ABCG4: variants seen among roughly 807,000 people sequenced by gnomAD.
The protein encoded by ABCG4 is ATP-binding cassette sub-family G member 4.
In ABCG4, 35 loss-of-function variants were observed where a neutral mutation model predicts 64.6. That is an observed-to-expected ratio of 0.54 (90% CI 0.41 to 0.72). The LOEUF is 0.72. Among genes scored for constraint, ABCG4 ranks in the 30% least tolerant of loss-of-function variants. ABCG4 has a pLI of 0.00. For synonymous variants in ABCG4, 326 were observed against 348.2 expected (o/e 0.94, Z 0.71); for missense variants, 610 against 846.3 (o/e 0.72, Z 3.46).
At chr11:119,151,401 C>T (rs1948192093) in intron 2 of ABCG4, among the ~76,000 whole-genome samples, 1 of 152,104 alleles carries the variant, frequency 6.6e-6, no homozygotes, top group Non-Finnish European at 1.5e-5. Flanking sequence ...TTTCTTTCAT[C>T]CGTTGTCCCT....
chr11:119,161,193 G>A lies in ABCG4; in HGVS notation c.*87G>A. ...GGACTGTTTTAACCTTATAGACTTG[G>A]GCACTGGTTCCTGGCGGGGCTATCC... On this transcript the variant is annotated 3_prime_UTR_variant, in exon 15 of 15. Transcript: ENST00000619701. 3.9e-6 allele frequency: 5 copies of A among 1,286,262 alleles called. No individual in the cohort carries two copies. Among genetic ancestry groups the A allele is most frequent in the Non-Finnish European group, 5.3e-6 (5 of 939,866 alleles). 79.7% of individuals were successfully genotyped at this position (1,286,262 alleles called of 1,614,324 possible).
chr11:119,160,460 G>A lies in ABCG4; in HGVS notation c.1596+75G>A, dbSNP rs532536697. The A allele has an allele frequency of 5.0e-5, 80 of 1,608,952 alleles. No individual in the cohort carries two copies. The African/African-American group carries it at 9.9e-4, about 20-fold the overall frequency. The stretch of plus-strand genomic sequence containing the variant: ...GGAGGAAGCAGGGCCTGGTGCAAGG[G>A]TTAGGGTGGAGCTCTAGGAAACCTG... On this transcript the variant is annotated intron_variant, in intron 13 of 14. Coordinates refer to ENST00000619701, the MANE Select transcript of ABCG4 (RefSeq NM_022169.5). This position sits in a 1 kb window ranked among gnomAD's most constrained non-coding sequence, Gnocchi z 4.6.
rs77563022 is a variant in ABCG4 at position 119,150,387 on chromosome 11, C to A, written c.238+184C>A. Among the ~76,000 whole-genome samples the A allele has an allele frequency of 1.8e-4, 27 of 152,318 alleles. No individual in the cohort carries two copies. In the East Asian group the frequency reaches 4.4e-3, roughly 25 times the overall value. ...TGGGGTGTCAGGATCTACGCTCCCC[C>A]ACACCTGTGAGCACCATGGGATACT... On this transcript the variant is annotated intron_variant, in intron 2 of 14. Transcript: ENST00000619701. The surrounding 1 kb of genome is among the most constrained non-coding windows in gnomAD (Gnocchi z 4.3).
chr11:119,158,662 G>T lies in ABCG4; in HGVS notation c.1273G>T (p.Gly425Cys), dbSNP rs368538395. ...TGCCAGCAAGGTCTTCAACAACACC[G>T]GCTGCCTCTTCTTCTCCATGCTGTT... The part of the protein sequence containing the change: ...DDASKVFNNT[G>C]CLFFSMLFLM... The change falls in exon 11 of 15, where the codon GGC (glycine) becomes TGC (cysteine). Residue 425 changes from glycine (G) to cysteine (C), a missense_variant. By Grantham distance (159) the Gly-to-Cys change is radical. Transcript: ENST00000619701. This position sits in a 1 kb window ranked among gnomAD's most constrained non-coding sequence, Gnocchi z 4.5. 8 of 1,613,974 alleles carry T rather than the reference G, an allele frequency of 5.0e-6. No individual in the cohort carries two copies. The African/African-American group carries it at 1.1e-4, about 22-fold the overall frequency.
At position 119,158,228 on chromosome 11, in the gene ABCG4, T is replaced by C. The variant is rs564152389; in HGVS notation, c.1069-6T>C. 2.5e-6 allele frequency: 4 copies of C among 1,576,134 alleles called. No homozygotes were observed. In the East Asian group the frequency reaches 9.0e-5, roughly 36 times the overall value. On this transcript the variant is annotated splice_region_variant and splice_polypyrimidine_tract_variant and intron_variant, in intron 9 of 14. Coordinates refer to ENST00000619701, the MANE Select transcript of ABCG4 (RefSeq NM_022169.5). This position sits in a 1 kb window ranked among gnomAD's most constrained non-coding sequence, Gnocchi z 4.5. ...ACCTGATCCCGATCCAATTTCTTCT[T>C]CCCAGGAAGTGGATCCCATTGAAAG...
At position 119,161,769 on chromosome 11, in the gene ABCG4, C is replaced by G. The variant is rs1378739033; in HGVS notation, c.*663C>G. ...TGGGGCTGTGGGATGCCCCATCCCC[C>G]TCCCCATCACCTTTGGTGGGGGCAG... On this transcript the variant is annotated 3_prime_UTR_variant, in exon 15 of 15. Coordinates refer to ENST00000619701, the MANE Select transcript of ABCG4 (RefSeq NM_022169.5). 6.5e-6 allele frequency: 1 copy of G among 152,828 alleles called. No individual in the cohort carries two copies. The highest frequency in any genetic ancestry group is 1.5e-5 in the Non-Finnish European group (1 of 68,174). The allele number at this position is 152,828 out of a possible 1,614,324, so 9.5% of individuals were successfully genotyped here.
rs577430608 is a variant in ABCG4 at position 119,158,123 on chromosome 11, G to T, written c.1069-111G>T. 191 of 817,790 alleles carry T rather than the reference G, an allele frequency of 2.3e-4. No homozygotes were observed. In the African/African-American group the frequency reaches 2.7e-3, roughly 11 times the overall value. 50.7% of individuals were successfully genotyped at this position (817,790 alleles called of 1,614,324 possible). A position where few individuals can be genotyped will look rare whatever the true frequency, so the allele number is the denominator to read the frequency against. ...TGGTACAAGATTCTCTGTAGACCTG[G>T]AGGACCCCTACCCTGGGGAAGAGCT... On this transcript the variant is annotated intron_variant, in intron 9 of 14. Coordinates refer to ENST00000619701, the MANE Select transcript of ABCG4 (RefSeq NM_022169.5). The surrounding 1 kb of genome is among the most constrained non-coding windows in gnomAD (Gnocchi z 4.5).
chr11:119,158,979 T>C lies in ABCG4; in HGVS notation c.1437+50T>C. ...CACTGCCTCCATCTTGTCTTGCTCC[T>C]TCTATCCTTGCTTTCTTGCCTCCCT... is the stretch of plus-strand genomic sequence containing the variant. On this transcript the variant is annotated intron_variant, in intron 12 of 14. Coordinates refer to ENST00000619701, the MANE Select transcript of ABCG4 (RefSeq NM_022169.5). The surrounding 1 kb of genome is among the most constrained non-coding windows in gnomAD (Gnocchi z 4.5). 1 of 1,567,324 alleles carries C rather than the reference T, an allele frequency of 6.4e-7. No homozygotes were observed. Among genetic ancestry groups the C allele is most frequent in the South Asian group, 1.1e-5 (1 of 90,082 alleles).
At position 119,158,496 on chromosome 11, in the gene ABCG4, C is replaced by G. The variant is rs759380045; in HGVS notation, c.1168-61C>G. On this transcript the variant is annotated intron_variant, in intron 10 of 14. Transcript: ENST00000619701. This position sits in a 1 kb window ranked among gnomAD's most constrained non-coding sequence, Gnocchi z 4.5. Reference sequence around the variant, plus strand: ...GCAGCTCCGAGTTCCTACTCCAAGTCTACTCTGTGGCTTGCCCTGGCCTGT... The same window carrying G: ...GCAGCTCCGAGTTCCTACTCCAAGTGTACTCTGTGGCTTGCCCTGGCCTGT... The G allele has an allele frequency of 6.2e-7, 1 of 1,606,440 alleles. No individual in the cohort carries two copies. The highest frequency in any genetic ancestry group is 1.1e-5 in the South Asian group (1 of 90,902).
chr11:119,157,191 T>C (rs1329631380), intron 9 of ABCG4, among the ~76,000 whole-genome samples, 177 bp downstream of exon 9: 1 of 152,238 alleles, frequency 6.6e-6, no homozygotes, highest in African/African-American at 2.4e-5. Flanking sequence ...AGGCACATTA[T>C]TTAACCTCCT....
In ABCG4 at chr11:119,149,822, G is replaced by A. The variant is rs1439346330; in HGVS notation, c.-12-132G>A. 1 of 1,357,466 alleles carries A rather than the reference G, an allele frequency of 7.4e-7. No homozygotes were observed. The highest frequency in any genetic ancestry group is 1.5e-5 in the African/African-American group (1 of 68,358). The allele number at this position is 1,357,466 out of a possible 1,614,324, so 84.1% of individuals were successfully genotyped here. A position where few individuals can be genotyped will look rare whatever the true frequency, so the allele number is the denominator to read the frequency against. On this transcript the variant is annotated intron_variant, in intron 1 of 14. Transcript: ENST00000619701. The surrounding 1 kb of genome is among the most constrained non-coding windows in gnomAD (Gnocchi z 8.3). ...GGAGAGTGGGGGGCGGGGGCAGAGT[G>A]CGGGGCTAACAGTCGCGGATCTGCC...
At chr11:119,151,497 G>C (rs936088782) in intron 2 of ABCG4, among the ~76,000 whole-genome samples, 4 of 152,106 alleles carry the variant, frequency 2.6e-5, no homozygotes, top group Non-Finnish European at 4.4e-5. Flanking sequence ...AGCAATTAAG[G>C]GTAGGCAGAA....
rs1270433546 is a variant in ABCG4, at chr11:119,150,933, C to G, written c.238+730C>G. On this transcript the variant is annotated intron_variant, in intron 2 of 14. Transcript: ENST00000619701. This position sits in a 1 kb window ranked among gnomAD's most constrained non-coding sequence, Gnocchi z 4.3. ...GCAGCTTTAGCTGCTAGTAGGGAAGCTGAGGCTGTTTCCCAGAGCCTGGGT... is the reference window on the plus strand; with the variant it reads ...GCAGCTTTAGCTGCTAGTAGGGAAGGTGAGGCTGTTTCCCAGAGCCTGGGT... Among the ~76,000 whole-genome samples, 2 of 152,250 alleles carry G rather than the reference C, an allele frequency of 1.3e-5. No individual in the cohort carries two copies. Among genetic ancestry groups the G allele is most frequent in the African/African-American group, 2.4e-5 (1 of 41,466 alleles).
rs1948179004 is a variant in ABCG4, at chr11:119,150,324, A to G, written c.238+121A>G. The G allele has an allele frequency of 7.2e-7, 1 of 1,387,514 alleles. No individual in the cohort carries two copies. The highest frequency in any genetic ancestry group is 1.4e-5 in the African/African-American group (1 of 69,668). 86.0% of individuals were successfully genotyped at this position (1,387,514 alleles called of 1,614,324 possible). A position where few individuals can be genotyped will look rare whatever the true frequency, so the allele number is the denominator to read the frequency against. On this transcript the variant is annotated intron_variant, in intron 2 of 14. Transcript: ENST00000619701. The surrounding 1 kb of genome is among the most constrained non-coding windows in gnomAD (Gnocchi z 4.3). ...CACCAGTGGGCTCTGTGGAAACACT[A>G]AAATCTGGGCCCCAGCCCGTTGCTC...
At position 119,161,286 on chromosome 11, in the gene ABCG4, G is replaced by A. The variant is rs922402716; in HGVS notation, c.*180G>A. 4 of 602,168 alleles carry A rather than the reference G, an allele frequency of 6.6e-6. No individual in the cohort carries two copies. In the Admixed American group the frequency reaches 1.2e-4, roughly 18 times the overall value. The allele number at this position is 602,168 out of a possible 1,614,324, so 37.3% of individuals were successfully genotyped here. ...CTCCCAGCCTGGGCTCTGGGAGTGG[G>A]GGCTCCAGCCCTCCCCACTATGCCC... On this transcript the variant is annotated 3_prime_UTR_variant, in exon 15 of 15. Transcript: ENST00000619701.
rs1260253019 is a variant in ABCG4, at chr11:119,154,957, C to T, written c.686+42C>T. On this transcript the variant is annotated intron_variant, in intron 6 of 14. Coordinates refer to ENST00000619701, the MANE Select transcript of ABCG4 (RefSeq NM_022169.5). The surrounding 1 kb of genome is among the most constrained non-coding windows in gnomAD (Gnocchi z 7.0). ...TTTCCCACCAGGATACCCCTCTCCT[C>T]TCGGCCCTGAGCCAGGGCTGGAGGC... 1.3e-6 allele frequency: 2 copies of T among 1,575,862 alleles called. No homozygotes were observed. Among genetic ancestry groups the T allele is most frequent in the Non-Finnish European group, 1.7e-6 (2 of 1,154,230 alleles).
rs1948351146 is a variant in ABCG4, at chr11:119,161,398, C to G, written c.*292C>G. ...GCAAAGACTACTGGGAGGCTGCTGC[C>G]TCCTTCCTGCCCATGGCACCCTCCT... On this transcript the variant is annotated 3_prime_UTR_variant, in exon 15 of 15. Transcript: ENST00000619701. 1 of 313,822 alleles carries G rather than the reference C, an allele frequency of 3.2e-6. No individual in the cohort carries two copies. Among genetic ancestry groups the G allele is most frequent in the Non-Finnish European group, 6.0e-6 (1 of 167,146 alleles). 19.4% of individuals were successfully genotyped at this position (313,822 alleles called of 1,614,324 possible).
At position 119,156,787 on chromosome 11, in the gene ABCG4, C is replaced by A; in HGVS notation, c.926-85C>A. ...GGGTAGAGATCTCACCGTCGCCTGC[C>A]TTCCCCACACACCCAAGGCGGGACT... On this transcript the variant is annotated intron_variant, in intron 8 of 14. Coordinates refer to ENST00000619701, the MANE Select transcript of ABCG4 (RefSeq NM_022169.5). The surrounding 1 kb of genome is among the most constrained non-coding windows in gnomAD (Gnocchi z 5.5). 6.3e-7 allele frequency: 1 copy of A among 1,589,538 alleles called. No individual in the cohort carries two copies. The highest frequency in any genetic ancestry group is 8.6e-7 in the Non-Finnish European group (1 of 1,162,306).
rs34408222 is a variant in ABCG4, at chr11:119,149,581, C to T, written c.-13+218C>T. ...CCTCTCCGCCTTCCCCTGGTCCGCC[C>T]TGCACTCACCCTGCTACCCCGACCT... On this transcript the variant is annotated intron_variant, in intron 1 of 14. Coordinates refer to ENST00000619701, the MANE Select transcript of ABCG4 (RefSeq NM_022169.5). This position sits in a 1 kb window ranked among gnomAD's most constrained non-coding sequence, Gnocchi z 8.3. The T allele has an allele frequency of 1.9e-3, 422 of 226,446 alleles. 4 individuals are homozygous for T. The highest frequency in any genetic ancestry group is 8.7e-3 in the African/African-American group (387 of 44,394). 14.0% of individuals were successfully genotyped at this position (226,446 alleles called of 1,614,324 possible).
Sources: allele counts gnomAD v4.1 joint callset (sites outside exome capture counted in the v4.1 genomes callset), GRCh38; gene constraint gnomAD v4.1.1; non-coding constraint Gnocchi (gnomAD v3.1); transcripts MANE v1.5; gene names NCBI Gene and HGNC (gene_info 2026-07-23, HGNC 2026-07-21).